The following PTPRM variants were observed in gnomAD, a reference collection of about 807,000 sequenced individuals.
PTPRM encodes the protein receptor-type tyrosine-protein phosphatase mu.
Under a neutral mutation model 186.7 loss-of-function variants are expected in PTPRM, and 47 were observed. The ratio of observed to expected loss-of-function variants is 0.25; its 90% CI spans 0.20 to 0.32. The LOEUF (loss-of-function observed/expected upper bound fraction) is 0.32, where lower values mean the gene tolerates loss of function less well. Ranked by LOEUF, PTPRM falls within the 10% of genes least tolerant of loss-of-function variation. The pLI is 1.00. For synonymous variants in PTPRM, 668 were observed against 674.9 expected (o/e 0.99, Z 0.16); for missense variants, 1,494 against 1,865.0 (o/e 0.80, Z 3.66).
intron 2 of PTPRM, among the ~76,000 whole-genome samples, chr18:7,856,448 A>T (rs191231404): frequency 5.5e-4 from 84 of 152,330 alleles, no homozygotes; most frequent in African/African-American, 1.9e-3. Flanking sequence ...AGACCAGTTG[A>T]AAAGGACAGC....
intron 1 of PTPRM, among the ~76,000 whole-genome samples, chr18:7,649,168 G>C (rs1024825200): frequency 6.6e-6 from 1 of 152,126 alleles, no homozygotes; most frequent in Non-Finnish European, 1.5e-5. Context: ...TTTACAGTAT[G>C]GCTTACTGAA....
chr18:8,208,748 G>A (rs373172340), intron 14 of PTPRM, among the ~76,000 whole-genome samples: 5 of 152,198 alleles, frequency 3.3e-5, no homozygotes, highest in African/African-American at 1.2e-4. Context: ...CTGGCCACAG[G>A]CAATCCTCCC....
At chr18:8,017,354 T>C (rs940700183) in intron 7 of PTPRM, among the ~76,000 whole-genome samples, 1 of 151,904 alleles carries the variant, frequency 6.6e-6, no homozygotes, top group Admixed American at 6.6e-5. Context: ...CTGACCAACA[T>C]GGTGAAATAT....
chr18:8,352,068 G>A (rs2095537310), intron 23 of PTPRM, among the ~76,000 whole-genome samples: 4 of 152,212 alleles, frequency 2.6e-5, no homozygotes, highest in Admixed American at 6.5e-5. Flanking sequence ...ATTTAGTGCT[G>A]TACTTACTGT....
chr18:8,007,760 C>T (rs1055522182), intron 7 of PTPRM, among the ~76,000 whole-genome samples: 6 of 152,122 alleles, frequency 3.9e-5, no homozygotes, highest in Non-Finnish European at 5.9e-5. Context: ...GTACTAAATC[C>T]GCTCTTGGCC....
chr18:7,980,789 C>T (rs1370445816), intron 7 of PTPRM, among the ~76,000 whole-genome samples: 1 of 152,132 alleles, frequency 6.6e-6, no homozygotes, highest in Non-Finnish European at 1.5e-5. Flanking sequence ...TCCCCGTTGC[C>T]TGCTTCCCGT....
At chr18:7,829,855 T>C (rs183795037) in intron 2 of PTPRM, among the ~76,000 whole-genome samples, 2 of 152,328 alleles carry the variant, frequency 1.3e-5, no homozygotes, top group East Asian at 3.9e-4. Context: ...TGTTTACTTA[T>C]GTATCTATTT....
intron 5 of PTPRM, among the ~76,000 whole-genome samples, chr18:7,932,979 T>C (rs1033355618): frequency 1.3e-5 from 2 of 152,196 alleles, no homozygotes; most frequent in African/African-American, 4.8e-5. Context: ...TCATAAGTTT[T>C]AAATTGTGCA....
At chr18:7,716,495 A>G (rs889272883) in intron 1 of PTPRM, among the ~76,000 whole-genome samples, 3 of 152,204 alleles carry the variant, frequency 2.0e-5, no homozygotes, top group African/African-American at 7.2e-5. Context: ...ATGGGATCTA[A>G]TTAAACTAAA....
chr18:7,717,797 C>T (rs558244270), intron 1 of PTPRM, among the ~76,000 whole-genome samples: 9 of 152,330 alleles, frequency 5.9e-5, no homozygotes, highest in African/African-American at 2.2e-4. Context: ...CCAGCACCCA[C>T]TCACCTGTGT....
At chr18:8,392,447 A>T (rs919124899) in intron 31 of PTPRM, among the ~76,000 whole-genome samples, 2 of 151,990 alleles carry the variant, frequency 1.3e-5, no homozygotes, top group Non-Finnish European at 2.9e-5. Flanking sequence ...ACACGGTGAA[A>T]CCCCATCTCT....
chr18:8,393,403 C>G (rs2095827575), intron 31 of PTPRM, among the ~76,000 whole-genome samples: 1 of 152,206 alleles, frequency 6.6e-6, no homozygotes, highest in Non-Finnish European at 1.5e-5. Flanking sequence ...GTTCTACATT[C>G]TTTATATTCT....
intron 2 of PTPRM, among the ~76,000 whole-genome samples, chr18:7,882,467 T>A (rs1482011937): frequency 6.6e-6 from 1 of 152,192 alleles, no homozygotes; most frequent in Non-Finnish European, 1.5e-5. Flanking sequence ...ATGCCTGCAG[T>A]GATGGAACTT....
intron 7 of PTPRM, among the ~76,000 whole-genome samples, chr18:8,068,741 T>A (rs1356108828): frequency 6.6e-6 from 1 of 152,226 alleles, no homozygotes; most frequent in Non-Finnish European, 1.5e-5. Context: ...GCTTTTACTC[T>A]TGTTTTCCAA....
chr18:8,124,523 G>T (rs1458002976), intron 13 of PTPRM, among the ~76,000 whole-genome samples: 1 of 152,108 alleles, frequency 6.6e-6, no homozygotes, highest in Non-Finnish European at 1.5e-5. Context: ...TGGTTGCCTA[G>T]ACACCTTGGC....
chr18:8,058,071 C>T (rs2088162587), intron 7 of PTPRM, among the ~76,000 whole-genome samples: 2 of 118,504 alleles, frequency 1.7e-5, no homozygotes, highest in East Asian at 2.4e-4. Flanking sequence ...GTCCCACCAA[C>T]AGTGTAAAAG....
intron 14 of PTPRM, among the ~76,000 whole-genome samples, chr18:8,188,414 G>T (rs771138977): frequency 6.6e-6 from 1 of 152,186 alleles, no homozygotes; most frequent in Non-Finnish European, 1.5e-5. Context: ...AGTGAATAAT[G>T]CTGCTCTGTG....
At chr18:8,050,488 C>T (rs900448787) in intron 7 of PTPRM, among the ~76,000 whole-genome samples, 3 of 151,366 alleles carry the variant, frequency 2.0e-5, no homozygotes, top group Non-Finnish European at 4.4e-5. Context: ...GTATTAGTTT[C>T]CTGAAAAAAA....
intron 1 of PTPRM, among the ~76,000 whole-genome samples, chr18:7,659,152 ACAC>A (rs1390473797): frequency 5.4e-5 from 8 of 149,348 alleles, no homozygotes; most frequent in African/African-American, 2.0e-4. Flanking sequence ...ACACACACAC[ACAC>A]AATCTCCCTT....
Sources: gnomAD v4.1 joint callset for allele counts (sites outside exome capture counted in the v4.1 genomes callset) on GRCh38, gnomAD v4.1.1 for gene constraint, MANE v1.5 for transcripts, NCBI Gene and HGNC (gene_info 2026-07-23, HGNC 2026-07-21) for gene names.